Variants in MYL3 observed in about 807,000 individuals in gnomAD.
The protein encoded by MYL3 is myosin light chain 3, also known as CMLC1.
In MYL3, 11 loss-of-function variants were observed where a neutral mutation model predicts 21.3. The ratio of observed to expected loss-of-function variants is 0.52; its 90% CI spans 0.32 to 0.85. The LOEUF (loss-of-function observed/expected upper bound fraction) is 0.85, where lower values mean the gene tolerates loss of function less well. MYL3 is among the 40% of genes least tolerant of loss of function. MYL3 has a pLI of 0.03. For synonymous variants in MYL3, 88 were observed against 91.6 expected (o/e 0.96, Z 0.22); for missense variants, 206 against 253.3 (o/e 0.81, Z 1.27).
rs1204612656 is a variant in MYL3, at chr3:46,879,136, G to C, written c.-218+2938C>G. 1.3e-5 allele frequency among the ~76,000 whole-genome samples: 2 copies of C among 152,184 alleles called. No individual in the cohort carries two copies. The highest frequency in any genetic ancestry group is 2.9e-5 in the Non-Finnish European group (2 of 68,042). On this transcript the variant is annotated intron_variant, in intron 1 of 3. Transcript: ENST00000431168. This position sits in a 1 kb window ranked among gnomAD's most constrained non-coding sequence, Gnocchi z 4.7. The stretch of plus-strand genomic sequence containing the variant: ...GTGGCCCCACCCACAGCTGTGGAAT[G>C]TCCAGCAGGGGACTCTGGGGTGAGG...
At chr3:46,858,954 G>GA (rs1333648685) in intron 4 of MYL3, among the ~76,000 whole-genome samples, 4 of 151,976 alleles carry the variant, frequency 2.6e-5, no homozygotes, top group African/African-American at 9.7e-5. Context: ...TGCACACACA[G>GA]AGAGAGAGAG....
chr3:46,863,442 G>A lies in MYL3; in HGVS notation c.-52C>T. The A allele has an allele frequency of 1.2e-6, 2 of 1,604,380 alleles. No individual in the cohort carries two copies. Among genetic ancestry groups the A allele is most frequent in the Non-Finnish European group, 1.7e-6 (2 of 1,175,858 alleles). ...GTGGAGAGAAGAATGCAGAAAGCAGGGTAGGTGAGCCGCCTCACCCAGGCC... is the reference window on the plus strand; with the variant it reads ...GTGGAGAGAAGAATGCAGAAAGCAGAGTAGGTGAGCCGCCTCACCCAGGCC... On this transcript the variant is annotated 5_prime_UTR_variant, in exon 1 of 7. Coordinates refer to ENST00000292327, the MANE Select transcript of MYL3 (RefSeq NM_000258.3).
At chr3:46,863,727 G>A (rs777091835), upstream of MYL3, among the ~76,000 whole-genome samples, 12 of 152,080 alleles carry the variant, frequency 7.9e-5, no homozygotes, top group Non-Finnish European at 1.3e-4. Context: ...CTGCACACCC[G>A]CACATACCCA....
chr3:46,879,695 C>A lies in MYL3; in HGVS notation c.-218+2379G>T, dbSNP rs1028432174. Reference sequence around the variant, plus strand: ...CCAGGAGGTCAAGGCTGCTGTGAGCCATGACCGTGCCACTGCACTCCAGCC... The same window carrying A: ...CCAGGAGGTCAAGGCTGCTGTGAGCAATGACCGTGCCACTGCACTCCAGCC... On this transcript the variant is annotated intron_variant, in intron 1 of 3. Coordinates refer to the MYL3 transcript ENST00000431168. This position sits in a 1 kb window ranked among gnomAD's most constrained non-coding sequence, Gnocchi z 4.7. Among the ~76,000 whole-genome samples, 1 of 152,130 alleles carries A rather than the reference C, an allele frequency of 6.6e-6. No individual in the cohort carries two copies. The highest frequency in any genetic ancestry group is 2.4e-5 in the African/African-American group (1 of 41,410).
At chr3:46,871,457 G>T (rs558207295) in intron 1 of MYL3, among the ~76,000 whole-genome samples, 1 of 152,218 alleles carries the variant, frequency 6.6e-6, no homozygotes, top group Admixed American at 6.5e-5. Flanking sequence ...TAAGGACGGG[G>T]TCAGAGCTTG....
chr3:46,881,746 A>AGCAGCCAAGCCGGGCTCGGGGCTG (rs1205763361), intron 1 of MYL3, among the ~76,000 whole-genome samples: 9 of 151,548 alleles, frequency 5.9e-5, no homozygotes, highest in African/African-American at 2.2e-4. Flanking sequence ...GGAGGGCGGC[A>AGCAGCCAAGCCGGGCTCGGGGCTG]GCAGCCAAGC....
intron 1 of MYL3, among the ~76,000 whole-genome samples, chr3:46,872,570 C>T (rs537952958): frequency 1.3e-5 from 2 of 152,310 alleles, no homozygotes; most frequent in Non-Finnish European, 2.9e-5. Context: ...TGCCAGAAGC[C>T]GTCACCACCT....
At chr3:46,858,587 A>T (rs1701958166) in intron 4 of MYL3, 126 bp from the exon 5 acceptor site, 1 of 930,152 alleles carries the variant, frequency 1.1e-6, no homozygotes, top group Non-Finnish European at 1.7e-6. Context: ...CACTGTTCAC[A>T]AGACCTTGGC....
chr3:46,858,528 T>C, intron 4 of MYL3, 67 bp from the exon 5 acceptor site: 1 of 1,496,408 alleles, frequency 6.7e-7, no homozygotes, highest in Non-Finnish European at 9.2e-7. Context: ...GGGCACCCAC[T>C]GAATCCCTCT....
Position 46,876,334 on chromosome 3 carries a change from C to T in MYL3, c.-218+5740G>A, listed in dbSNP as rs75124716. On this transcript the variant is annotated intron_variant, in intron 1 of 3. Transcript: ENST00000431168. ...AGGCTCTGGCAGTCAAGAGCCAGGG[C>T]AACAGGGAGGCTTGACAGAGCACAG... 1.7e-3 allele frequency among the ~76,000 whole-genome samples: 252 copies of T among 152,326 alleles called. 8 individuals are homozygous for T. In the East Asian group the frequency reaches 0.047, roughly 28 times the overall value.
rs2242118 is a variant in MYL3, at chr3:46,859,095, T to C, written c.481+380A>G. The stretch of plus-strand genomic sequence containing the variant: ...GGTATAAGTGGGAGGTACACAGGGC[T>C]CCACAGAGGTCAGGATCCCCCCAGG... On this transcript the variant is annotated intron_variant, in intron 4 of 6. Transcript: ENST00000292327. This position sits in a 1 kb window ranked among gnomAD's most constrained non-coding sequence, Gnocchi z 4.1. Among the ~76,000 whole-genome samples the C allele has an allele frequency of 0.12, 17,794 of 152,112 alleles. 1,339 individuals are homozygous for C. The highest frequency in any genetic ancestry group is 0.29 in the South Asian group (1,398 of 4,822).
intron 1 of MYL3, chr3:46,880,431 G>C (rs1330148321): frequency 6.6e-6 from 1 of 152,322 alleles, no homozygotes; most frequent in Non-Finnish European, 1.5e-5. Context: ...ACAGAGAAGG[G>C]AGGCAGCCAT....
rs1701986396 is a variant in MYL3, at chr3:46,860,936, C to T, written c.157+24G>A. ...GGAACCCCAGCCCAATCCTGCAACC[C>T]CTGGGTTCAAGACCCCTGCTCACCT... is the stretch of plus-strand genomic sequence containing the variant. On this transcript the variant is annotated intron_variant, in intron 2 of 6. Transcript: ENST00000292327. This position sits in a 1 kb window ranked among gnomAD's most constrained non-coding sequence, Gnocchi z 4.6. 3 of 1,614,130 alleles carry T rather than the reference C, an allele frequency of 1.9e-6. No homozygotes were observed. Among genetic ancestry groups the T allele is most frequent in the South Asian group, 1.1e-5 (1 of 91,078 alleles).
rs2030079614 is a variant in MYL3 at position 46,874,513 on chromosome 3, C to T, written c.-218+7561G>A. ...GTCTGAGCTAACCCCCTCCCCACCA[C>T]CTCCTCCTTCCTGGCCCCCTCCTCC... On this transcript the variant is annotated intron_variant, in intron 1 of 3. Transcript: ENST00000431168. This position sits in a 1 kb window ranked among gnomAD's most constrained non-coding sequence, Gnocchi z 4.1. 6.6e-6 allele frequency among the ~76,000 whole-genome samples: 1 copy of T among 152,202 alleles called. No individual in the cohort carries two copies. The highest frequency in any genetic ancestry group is 2.4e-5 in the African/African-American group (1 of 41,440).
Position 46,860,131 on chromosome 3 carries a change from T to G in MYL3, c.308-483A>C, listed in dbSNP as rs1344137822. On this transcript the variant is annotated intron_variant, in intron 3 of 6. Coordinates refer to ENST00000292327, the MANE Select transcript of MYL3 (RefSeq NM_000258.3). This position sits in a 1 kb window ranked among gnomAD's most constrained non-coding sequence, Gnocchi z 4.6. ...TTCATTTATGTATTTATTCATTCAT[T>G]TATTTATTTTTAGACACGAGGTCTT... Among the ~76,000 whole-genome samples, 1 of 152,034 alleles carries G rather than the reference T, an allele frequency of 6.6e-6. No individual in the cohort carries two copies. Among genetic ancestry groups the G allele is most frequent in the Non-Finnish European group, 1.5e-5 (1 of 67,986 alleles).
chr3:46,881,325 C>T (rs966076899), intron 1 of MYL3, among the ~76,000 whole-genome samples: 1 of 152,190 alleles, frequency 6.6e-6, no homozygotes, highest in Non-Finnish European at 1.5e-5. Context: ...CCTCCCCAGC[C>T]AAACACAGAA....
rs1373997889 is a variant in MYL3 at position 46,882,129 on chromosome 3, G to T, written c.-273C>A. ...CCTCTAGCGCAATGTCCCGGGGCGG[G>T]GGGCGGAAGGCTCCTCTCGGCCTCT... On this transcript the variant is annotated 5_prime_UTR_variant, in exon 1 of 4. Coordinates refer to the MYL3 transcript ENST00000431168. This position sits in a 1 kb window ranked among gnomAD's most constrained non-coding sequence, Gnocchi z 4.3. 1 of 152,112 alleles carries T rather than the reference G, an allele frequency of 6.6e-6. No homozygotes were observed. Among genetic ancestry groups the T allele is most frequent in the Non-Finnish European group, 1.5e-5 (1 of 68,010 alleles). 9.4% of individuals were successfully genotyped at this position (152,112 alleles called of 1,614,324 possible).
rs904100751 is a variant in MYL3 at position 46,860,150 on chromosome 3, A to G, written c.308-502T>C. 1.7e-4 allele frequency among the ~76,000 whole-genome samples: 25 copies of G among 151,014 alleles called. 1 individual carries two copies. The highest frequency in any genetic ancestry group is 1.4e-3 in the Admixed American group (22 of 15,182). On this transcript the variant is annotated intron_variant, in intron 3 of 6. Coordinates refer to ENST00000292327, the MANE Select transcript of MYL3 (RefSeq NM_000258.3). The surrounding 1 kb of genome is among the most constrained non-coding windows in gnomAD (Gnocchi z 4.6). ...ATTCATTTATTTATTTTTAGACACG[A>G]GGTCTTCTTGTTACGTCACACAGAC...
At position 46,861,580 on chromosome 3, in the gene MYL3, T is replaced by C. The variant is rs2106911623; in HGVS notation, c.130-593A>G. Among the ~76,000 whole-genome samples the C allele has an allele frequency of 6.6e-6, 1 of 152,230 alleles. No homozygotes were observed. The stretch of plus-strand genomic sequence containing the variant: ...AGGCAGTCACTCACCAGCCCCACTA[T>C]ACCTATTTCTCACACACCCTGTCCG... On this transcript the variant is annotated intron_variant, in intron 1 of 6. Transcript: ENST00000292327. The surrounding 1 kb of genome is among the most constrained non-coding windows in gnomAD (Gnocchi z 4.2).
Sources: gnomAD v4.1 joint callset for allele counts (sites outside exome capture counted in the v4.1 genomes callset) on GRCh38, gnomAD v4.1.1 for gene constraint, Gnocchi (gnomAD v3.1) non-coding constraint, MANE v1.5 for transcripts, NCBI Gene and HGNC (gene_info 2026-07-23, HGNC 2026-07-21) for gene names.